IFT172: variants seen among roughly 807,000 people sequenced by gnomAD.
The protein encoded by IFT172 is intraflagellar transport 172.
Under a neutral mutation model 248.9 loss-of-function variants are expected in IFT172, and 164 were observed. The observed-to-expected ratio is 0.66, with a 90% CI of 0.58 to 0.75. IFT172 has a LOEUF of 0.75. IFT172 is among the 30% of genes least tolerant of loss of function. The pLI is 0.00. For missense variants in IFT172, 1,950 were observed against 2,192.4 expected, an observed-to-expected ratio of 0.89 and a Z score of 2.21; for synonymous variants, 729 against 791.6, an observed-to-expected ratio of 0.92 and a Z score of 1.33.
chr2:27,452,602 T>C (rs1443425373), intron 35 of IFT172, among the ~76,000 whole-genome samples: 1 of 152,236 alleles, frequency 6.6e-6, no homozygotes, highest in Non-Finnish European at 1.5e-5. Context: ...AGAGGTTGCG[T>C]AGAGCTTATT....
intron 30 of IFT172, chr2:27,455,592 T>C (rs1484983267): frequency 4.6e-6 from 1 of 216,244 alleles, no homozygotes; most frequent in Non-Finnish European, 9.2e-6. Context: ...GCACCTGTAG[T>C]CCCAGCTACT....
At chr2:27,456,166 G>A (rs1323262355) in intron 30 of IFT172, among the ~76,000 whole-genome samples, 4 of 151,962 alleles carry the variant, frequency 2.6e-5, no homozygotes, top group African/African-American at 4.8e-5. Flanking sequence ...AGCTGATATC[G>A]TGCCACTGCA....
chr2:27,461,985 A>G, intron 20 of IFT172, 149 bp from the exon 21 acceptor site: 1 of 746,764 alleles, frequency 1.3e-6, no homozygotes, highest in Non-Finnish European at 2.2e-6. Flanking sequence ...GGAAACTAAA[A>G]GAAGCTTAAG....
chr2:27,482,483 G>C (rs1422287088), intron 7 of IFT172, among the ~76,000 whole-genome samples: 1 of 150,248 alleles, frequency 6.7e-6, no homozygotes, highest in East Asian at 2.0e-4. Flanking sequence ...AGTAGAGACG[G>C]GTTTCACGTC....
rs1665980250 is a variant in IFT172 at position 27,454,376 on chromosome 2, T to C, written c.3508A>G (p.Lys1170Glu). The C allele has an allele frequency of 6.2e-7, 1 of 1,614,106 alleles. No homozygotes were observed. The highest frequency in any genetic ancestry group is 1.3e-5 in the African/African-American group (1 of 74,934). ...CACATGAGGACTGCCTCCTTGGGTT[T>C]ACCAGCTCTGATGAATTCAGCTTCA... is the stretch of plus-strand genomic sequence containing the variant. ...EAEAEFIRAG[K>E]PKEAVLMFVH... The change falls in exon 32 of 48, where the codon AAA becomes GAA. Residue 1170 changes from lysine (K) to glutamate (E), a missense_variant. Around this residue, in one of 3 missense-constraint regions of IFT172, gnomAD observed 164 missense variants for 239.3 expected, o/e 0.69. Transcript: ENST00000260570. The surrounding 1 kb of genome is among the most constrained non-coding windows in gnomAD (Gnocchi z 4.2).
chr2:27,485,152 A>T, intron 2 of IFT172, 22 bp from the exon 3 acceptor site: 1 of 1,502,384 alleles, frequency 6.7e-7, no homozygotes, highest in Non-Finnish European at 9.1e-7. Flanking sequence ...AAAAAAAAAA[A>T]AGAAAGAAAA....
At chr2:27,485,240 A>C in intron 2 of IFT172, 110 bp from the exon 3 acceptor site, 1 of 1,515,628 alleles carries the variant, frequency 6.6e-7, no homozygotes, top group Non-Finnish European at 9.0e-7. Context: ...GAGGATTTAT[A>C]CTGAGAAAAA....
In IFT172 at chr2:27,472,267, T is replaced by C. The variant is rs772696044; in HGVS notation, c.1507A>G (p.Arg503Gly). ...LNETGHKLLF[R>G]DRKLRLHLYD... is the part of the protein sequence containing the mutation. Reference sequence around the variant, plus strand: ...CTTCTCACACGAAGTTTCCGGTCCCTGAAGAGGAGCTTGTGTCCAGTCTCA... The same window carrying C: ...CTTCTCACACGAAGTTTCCGGTCCCCGAAGAGGAGCTTGTGTCCAGTCTCA... Residue 503 changes from arginine to glycine, a missense_variant, in exon 15 of 48, where the codon AGG becomes GGG. By Grantham distance (125) the Arg-to-Gly change is moderately radical. This residue lies in a region of IFT172 where 1,166 missense variants were observed against 1,254.1 expected (regional missense o/e 0.93). Coordinates refer to ENST00000260570, the MANE Select transcript of IFT172 (RefSeq NM_015662.3). 3 of 1,613,882 alleles carry C rather than the reference T, an allele frequency of 1.9e-6. No individual in the cohort carries two copies. The highest frequency in any genetic ancestry group is 1.1e-5 in the South Asian group (1 of 91,086).
At chr2:27,467,515 G>A (rs957968262) in intron 16 of IFT172, among the ~76,000 whole-genome samples, 3 of 138,584 alleles carry the variant, frequency 2.2e-5, no homozygotes, top group African/African-American at 5.3e-5. Context: ...AGGAGGCTGA[G>A]ATAGGAGTAT....
At chr2:27,462,646 TTCTC>T in intron 20 of IFT172, 51 bp downstream of exon 20, 7 of 1,495,232 alleles carry the variant, frequency 4.7e-6, no homozygotes, top group Non-Finnish European at 6.5e-6. Context: ...GTACCCCCTT[TTCTC>T]TCTTTTTCCC....
intron 47 of IFT172, among the ~76,000 whole-genome samples, 171 bp from the exon 48 acceptor site, chr2:27,444,692 G>T (rs1247735072): frequency 6.6e-6 from 1 of 152,138 alleles, no homozygotes; most frequent in Non-Finnish European, 1.5e-5. Context: ...TTGTCGCCCA[G>T]GCTGGAGTGC....
In IFT172 at chr2:27,454,301, T is replaced by C. The variant is rs1246608953; in HGVS notation, c.3530+53A>G. The C allele has an allele frequency of 3.1e-6, 5 of 1,611,338 alleles. No individual in the cohort carries two copies. The highest frequency in any genetic ancestry group is 4.2e-6 in the Non-Finnish European group (5 of 1,177,580). On this transcript the variant is annotated intron_variant, in intron 32 of 47. Transcript: ENST00000260570. The surrounding 1 kb of genome is among the most constrained non-coding windows in gnomAD (Gnocchi z 4.2). ...TGAAGGTCAAGATAATCATGAAAGA[T>C]CCTGGGACGGTGACTGGGGAAACAG...
In IFT172 at chr2:27,445,468, G is replaced by A. The variant is rs1354007019; in HGVS notation, c.4915-19C>T. On this transcript the variant is annotated intron_variant, in intron 45 of 47. Coordinates refer to ENST00000260570, the MANE Select transcript of IFT172 (RefSeq NM_015662.3). The surrounding 1 kb of genome is among the most constrained non-coding windows in gnomAD (Gnocchi z 4.4). ...CAGCCTCCTGGAAAGGACAAGAAGG[G>A]AGTGGTAGCTTCACACAGGGCAGGG... 1.2e-6 allele frequency: 2 copies of A among 1,604,736 alleles called. No homozygotes were observed. The highest frequency in any genetic ancestry group is 1.7e-6 in the Non-Finnish European group (2 of 1,175,240).
rs1303039602 is a variant in IFT172, at chr2:27,444,386, A to C, written c.*46T>G. 7.9e-7 allele frequency: 1 copy of C among 1,258,096 alleles called. No individual in the cohort carries two copies. Among genetic ancestry groups the C allele is most frequent in the East Asian group, 2.3e-5 (1 of 42,632 alleles). 77.9% of individuals were successfully genotyped at this position (1,258,096 alleles called of 1,614,324 possible). On this transcript the variant is annotated 3_prime_UTR_variant, in exon 48 of 48. Coordinates refer to ENST00000260570, the MANE Select transcript of IFT172 (RefSeq NM_015662.3). ...AATACAGTGGTCTCAATTATTTATA[A>C]AACTTTAATGAGGGAGAGGCCCTAA... is the stretch of plus-strand genomic sequence containing the variant.
At chr2:27,474,574 G>A (rs1212516994) in intron 14 of IFT172, among the ~76,000 whole-genome samples, 8 of 151,934 alleles carry the variant, frequency 5.3e-5, no homozygotes, top group Admixed American at 2.0e-4. Flanking sequence ...TGTTGGAGAC[G>A]GAGTTTCACT....
rs1279010550 is a variant in IFT172, at chr2:27,483,576, T to C, written c.482+4A>G. On this transcript the variant is annotated splice_donor_region_variant and intron_variant, in intron 6 of 47. Coordinates refer to ENST00000260570, the MANE Select transcript of IFT172 (RefSeq NM_015662.3). Reference sequence around the variant, plus strand: ...CTCTAGTGATACTACTCCTCTTTACTCACTTTGTTGTCAGGGACACCACGT... The same window carrying C: ...CTCTAGTGATACTACTCCTCTTTACCCACTTTGTTGTCAGGGACACCACGT... 2.5e-6 allele frequency: 4 copies of C among 1,613,724 alleles called. No homozygotes were observed. The highest frequency in any genetic ancestry group is 1.1e-5 in the South Asian group (1 of 91,050).
chr2:27,476,879 G>T, intron 13 of IFT172, 153 bp from the exon 14 acceptor site: 1 of 621,664 alleles, frequency 1.6e-6, no homozygotes, highest in Non-Finnish European at 2.9e-6. Flanking sequence ...CTGAAGTGCA[G>T]TGGTGTGATC....
intron 16 of IFT172, among the ~76,000 whole-genome samples, chr2:27,466,530 G>C (rs1241629513): frequency 6.6e-6 from 1 of 152,146 alleles, no homozygotes; most frequent in African/African-American, 2.4e-5. Flanking sequence ...TCCTGCAGAA[G>C]CAAGACCGAA....
intron 7 of IFT172, among the ~76,000 whole-genome samples, chr2:27,482,356 G>A (rs867388915): frequency 1.5e-4 from 22 of 150,608 alleles, no homozygotes; most frequent in African/African-American, 4.9e-4. Flanking sequence ...AATGGCATGC[G>A]ATCTTGGCTC....
Sources: allele counts gnomAD v4.1 joint callset (sites outside exome capture counted in the v4.1 genomes callset), GRCh38; gene constraint gnomAD v4.1.1; regional missense constraint gnomAD v4.1.1; non-coding constraint Gnocchi (gnomAD v3.1); transcripts MANE v1.5; gene names NCBI Gene and HGNC (gene_info 2026-07-23, HGNC 2026-07-21).